The following RORA variants were observed in gnomAD, a reference collection of about 807,000 sequenced individuals.
RORA encodes nuclear receptor ROR-alpha.
In RORA, 7 loss-of-function variants were observed where a neutral mutation model predicts 69.5. The ratio of observed to expected loss-of-function variants is 0.10; its 90% CI spans 0.06 to 0.19. The LOEUF (loss-of-function observed/expected upper bound fraction) is 0.19. RORA is among the 10% of genes least tolerant of loss of function. The pLI, the probability that RORA is intolerant of heterozygous loss-of-function variation, is 1.00. For missense variants in RORA, 457 were observed against 663.0 expected (o/e 0.69, Z 3.41); for synonymous variants, 261 against 240.8 (o/e 1.08, Z -0.78).
chr15:60,898,133 G>C (rs1038559658), intron 1 of RORA, among the ~76,000 whole-genome samples: 12 of 152,182 alleles, frequency 7.9e-5, no homozygotes, highest in African/African-American at 2.9e-4. Flanking sequence ...GCACAATGAA[G>C]AATACTTTTC....
Position 60,733,308 on chromosome 15 carries a change from G to A in RORA, c.167-54622C>T, listed in dbSNP as rs2071454246. Among the ~76,000 whole-genome samples the A allele has an allele frequency of 2.0e-5, 3 of 152,194 alleles. No homozygotes were observed. In the South Asian group the frequency reaches 6.2e-4, roughly 32 times the overall value. The stretch of plus-strand genomic sequence containing the variant: ...GGCCAAAAATGAGGCACAATATTGA[G>A]ATGGGAATAAGGACAGTGGAGGACA... On this transcript the variant is annotated intron_variant, in intron 1 of 10. Transcript: ENST00000335670.
chr15:60,880,738 A>G (rs183048751), intron 1 of RORA, among the ~76,000 whole-genome samples: 17 of 152,376 alleles, frequency 1.1e-4, no homozygotes, highest in African/African-American at 1.7e-4. Context: ...CCGGAAAAGG[A>G]GAAAATATAT....
chr15:60,734,701 C>A (rs1008631158), intron 1 of RORA, among the ~76,000 whole-genome samples: 2 of 152,166 alleles, frequency 1.3e-5, no homozygotes, highest in Non-Finnish European at 2.9e-5. Flanking sequence ...TGAGAGAGAT[C>A]CACACCTTGA....
chr15:60,731,460 A>G (rs542083459), intron 1 of RORA, among the ~76,000 whole-genome samples: 4 of 152,344 alleles, frequency 2.6e-5, no homozygotes, highest in African/African-American at 9.6e-5. Context: ...GACACAAAAT[A>G]GAGAAGATGT....
intron 1 of RORA, among the ~76,000 whole-genome samples, chr15:60,998,135 C>G (rs895998464): frequency 6.6e-6 from 1 of 152,164 alleles, no homozygotes; most frequent in Non-Finnish European, 1.5e-5. Context: ...TTTTCTATTC[C>G]TTTTAACCAA....
At chr15:61,227,210 CA>C (rs35827262) in intron 1 of RORA, among the ~76,000 whole-genome samples, 869 of 123,994 alleles carry the variant, frequency 7.0e-3, no homozygotes, top group African/African-American at 0.01. Flanking sequence ...CCCCCCATTC[CA>C]AAAAAAAAAA....
At chr15:60,543,612 G>C (rs1335535205) in intron 2 of RORA, among the ~76,000 whole-genome samples, 1 of 151,944 alleles carries the variant, frequency 6.6e-6, no homozygotes, top group Non-Finnish European at 1.5e-5. Flanking sequence ...CTGAGTAGCT[G>C]GGACTACAGG....
chr15:60,540,580 A>T (rs1381912391), intron 2 of RORA, among the ~76,000 whole-genome samples: 1 of 57,078 alleles, frequency 1.8e-5, no homozygotes, highest in African/African-American at 6.0e-5. Flanking sequence ...CCCCCCCAAA[A>T]CTGTGCGGTC....
intron 2 of RORA, among the ~76,000 whole-genome samples, chr15:60,569,309 G>A (rs2067811333): frequency 6.7e-6 from 1 of 148,182 alleles, no homozygotes; most frequent in South Asian, 2.2e-4. Flanking sequence ...CATGCCTGTA[G>A]CCCCAGCTAC....
chr15:60,994,254 A>G (rs1894463967), intron 1 of RORA, among the ~76,000 whole-genome samples: 1 of 152,224 alleles, frequency 6.6e-6, no homozygotes, highest in South Asian at 2.1e-4. Context: ...TCCTGATGGG[A>G]AAAGCCCTCA....
intron 1 of RORA, among the ~76,000 whole-genome samples, chr15:60,876,810 G>A (rs967082738): frequency 6.6e-6 from 1 of 152,168 alleles, no homozygotes; most frequent in South Asian, 2.1e-4. Context: ...AAGGATTAGC[G>A]AGACAGACAC....
intron 1 of RORA, among the ~76,000 whole-genome samples, chr15:60,861,228 A>C (rs568389216): frequency 5.4e-4 from 82 of 152,234 alleles, no homozygotes; most frequent in Admixed American, 4.1e-3. Flanking sequence ...CCATTAAGTT[A>C]GACAGGAGAG....
intron 2 of RORA, among the ~76,000 whole-genome samples, chr15:60,583,760 C>T (rs1159030393): frequency 1.3e-5 from 2 of 152,146 alleles, no homozygotes; most frequent in Non-Finnish European, 2.9e-5. Context: ...CCAGAAATTG[C>T]TCACATCTGG....
intron 2 of RORA, among the ~76,000 whole-genome samples, chr15:60,645,122 G>A (rs2070015154): frequency 6.6e-6 from 1 of 152,084 alleles, no homozygotes; most frequent in Admixed American, 6.6e-5. Flanking sequence ...TCTTAGGGAA[G>A]GAACTGTCCC....
chr15:61,176,648 A>G (rs2079631879), intron 1 of RORA, among the ~76,000 whole-genome samples: 1 of 152,142 alleles, frequency 6.6e-6, no homozygotes, highest in Non-Finnish European at 1.5e-5. Context: ...GCTTAAAAAC[A>G]TGCTTACTAA....
At chr15:60,933,846 G>A (rs992545127) in intron 1 of RORA, among the ~76,000 whole-genome samples, 4 of 152,196 alleles carry the variant, frequency 2.6e-5, no homozygotes, top group South Asian at 4.1e-4. Context: ...GCACTGGTGC[G>A]ATCCATTCTG....
chr15:60,561,082 G>GTTTTTTTTTTTTTTTT (rs571970599), intron 2 of RORA, among the ~76,000 whole-genome samples: 1 of 122,052 alleles, frequency 8.2e-6, no homozygotes, highest in Non-Finnish European at 1.8e-5. Flanking sequence ...TTTTGTTTTT[G>GTTTTTTTTTTTTTTTT]TTTTTTTTTT....
chr15:60,491,888 C>T lies in RORA; in HGVS notation c.*5567G>A, dbSNP rs369853534. On this transcript the variant is annotated 3_prime_UTR_variant, in exon 11 of 11. Transcript: ENST00000335670. Reference sequence around the variant, plus strand: ...AGAATGAAGACCTGTATCATAGACTCTTACCAATAGATCAAGATTTACTGT... The same window carrying T: ...AGAATGAAGACCTGTATCATAGACTTTTACCAATAGATCAAGATTTACTGT... 1 of 152,122 alleles carries T rather than the reference C, an allele frequency of 6.6e-6. No homozygotes were observed. The highest frequency in any genetic ancestry group is 1.9e-4 in the East Asian group (1 of 5,202). The allele number at this position is 152,122 out of a possible 1,614,324, so 9.4% of individuals were successfully genotyped here.
intron 1 of RORA, among the ~76,000 whole-genome samples, chr15:60,979,837 CTCTT>C (rs963147593): frequency 2.6e-5 from 4 of 152,156 alleles, no homozygotes; most frequent in African/African-American, 7.2e-5. Flanking sequence ...TCTGGATTCT[CTCTT>C]TCTCTCTTCC....
Sources: allele counts gnomAD v4.1 joint callset (sites outside exome capture counted in the v4.1 genomes callset), GRCh38; gene constraint gnomAD v4.1.1; transcripts MANE v1.5; gene names NCBI Gene and HGNC (gene_info 2026-07-23, HGNC 2026-07-21).